Variants in AFG1L observed in about 807,000 individuals in gnomAD.
The protein encoded by AFG1L is AFG1-like ATPase.
A neutral mutation model predicts 62.2 loss-of-function variants in AFG1L; 53 were observed. The observed-to-expected ratio is 0.85, with a 90% CI of 0.68 to 1.07. The LOEUF (loss-of-function observed/expected upper bound fraction) is 1.07, where lower values mean the gene tolerates loss of function less well. Ranked by LOEUF, AFG1L falls within the 50% of genes least tolerant of loss-of-function variation. The pLI, the probability that AFG1L is intolerant of heterozygous loss-of-function variation, is 0.00. For missense variants in AFG1L, 555 were observed against 590.5 expected (o/e 0.94, Z 0.62); for synonymous variants, 228 against 210.3 (o/e 1.08, Z -0.73).
At chr6:108,478,814 A>C (rs1339012812) in intron 10 of AFG1L, among the ~76,000 whole-genome samples, 1 of 152,206 alleles carries the variant, frequency 6.6e-6, no homozygotes, top group Non-Finnish European at 1.5e-5. Context: ...ACATTTTAAA[A>C]ATATGCTCAT....
chr6:108,330,207 G>GTTTTTTTTT, intron 2 of AFG1L, among the ~76,000 whole-genome samples: 1 of 142,266 alleles, frequency 7.0e-6, no homozygotes, highest in Non-Finnish European at 1.5e-5. Flanking sequence ...TTGCGACTGA[G>GTTTTTTTTT]TCTCACTCTG....
At chr6:108,356,846 T>C (rs1365948548) in intron 5 of AFG1L, 26 bp downstream of exon 5, 2 of 1,577,484 alleles carry the variant, frequency 1.3e-6, no homozygotes, top group East Asian at 4.5e-5. Flanking sequence ...TTCATAGATA[T>C]AGAATGGTAT....
At chr6:108,496,664 T>A (rs376809654) in intron 10 of AFG1L, among the ~76,000 whole-genome samples, 7 of 152,312 alleles carry the variant, frequency 4.6e-5, no homozygotes, top group African/African-American at 7.2e-5. Context: ...TTCTACATCA[T>A]TATTTTGGTT....
chr6:108,488,736 C>G (rs558182067), intron 10 of AFG1L, among the ~76,000 whole-genome samples: 5 of 151,668 alleles, frequency 3.3e-5, no homozygotes, highest in African/African-American at 1.2e-4. Flanking sequence ...AGTGTGATGG[C>G]GCACATCTAT....
intron 2 of AFG1L, 59 bp from the exon 3 acceptor site, chr6:108,346,929 A>G (rs368674695): frequency 7.9e-7 from 1 of 1,269,346 alleles, no homozygotes; most frequent in Non-Finnish European, 1.2e-6. Flanking sequence ...AAGACTATGT[A>G]TATGATTATA....
intron 5 of AFG1L, among the ~76,000 whole-genome samples, chr6:108,358,594 G>A (rs367708044): frequency 1.3e-5 from 2 of 152,086 alleles, no homozygotes; most frequent in African/African-American, 2.4e-5. Context: ...ATGCAATGGC[G>A]TGATCTTGGC....
At chr6:108,487,464 G>C (rs1302978669) in intron 10 of AFG1L, among the ~76,000 whole-genome samples, 1 of 152,222 alleles carries the variant, frequency 6.6e-6, no homozygotes, top group African/African-American at 2.4e-5. Context: ...TTCCTCACTT[G>C]TGAAATGCAT....
chr6:108,405,005 C>T (rs878995768), intron 7 of AFG1L, among the ~76,000 whole-genome samples: 2 of 152,138 alleles, frequency 1.3e-5, no homozygotes, highest in South Asian at 2.1e-4. Flanking sequence ...GCTGGGAGTA[C>T]AGGTGTTAGC....
chr6:108,481,866 C>T (rs1321890789), intron 10 of AFG1L, among the ~76,000 whole-genome samples: 2 of 152,202 alleles, frequency 1.3e-5, no homozygotes, highest in African/African-American at 4.8e-5. Flanking sequence ...GCTTGACAGA[C>T]AAACTATGGT....
chr6:108,390,025 T>C (rs1289134706), intron 6 of AFG1L, among the ~76,000 whole-genome samples: 1 of 152,328 alleles, frequency 6.6e-6, no homozygotes, highest in East Asian at 1.9e-4. Context: ...CAATCAGACG[T>C]AGATTTGGTC....
At chr6:108,404,284 G>C (rs575970685) in intron 7 of AFG1L, among the ~76,000 whole-genome samples, 1 of 152,060 alleles carries the variant, frequency 6.6e-6, no homozygotes, top group Non-Finnish European at 1.5e-5. Context: ...ATAGAAATTT[G>C]TTGAGGAAAA....
intron 3 of AFG1L, among the ~76,000 whole-genome samples, chr6:108,354,206 T>C (rs1448822245): frequency 6.6e-6 from 1 of 152,174 alleles, no homozygotes; most frequent in Non-Finnish European, 1.5e-5. Context: ...CATTAAATGC[T>C]CAGGCTGTTG....
rs1779259907 is a variant in AFG1L at position 108,355,651 on chromosome 6, A to G, written c.416-3A>G. ...TATTCTTAAAATTTTTTTTATTTTT[A>G]AGGTACAGGAAAAACAATGGTGATG... On this transcript the variant is annotated splice_region_variant and splice_polypyrimidine_tract_variant and intron_variant, in intron 3 of 12. Coordinates refer to ENST00000368977, the MANE Select transcript of AFG1L (RefSeq NM_145315.5). The G allele has an allele frequency of 1.3e-6, 2 of 1,557,616 alleles. No individual in the cohort carries two copies.
At chr6:108,320,231 A>G (rs1054786938) in intron 1 of AFG1L, among the ~76,000 whole-genome samples, 9 of 152,328 alleles carry the variant, frequency 5.9e-5, no homozygotes, top group South Asian at 2.1e-4. Flanking sequence ...AGAGTCATAC[A>G]TCAGTACATG....
intron 7 of AFG1L, among the ~76,000 whole-genome samples, chr6:108,408,404 T>C (rs936298752): frequency 1.3e-5 from 2 of 152,252 alleles, no homozygotes; most frequent in African/African-American, 4.8e-5. Context: ...ATATGCAATT[T>C]GTTATTCAGC....
At chr6:108,454,341 A>G (rs1436577327) in intron 8 of AFG1L, among the ~76,000 whole-genome samples, 1 of 152,212 alleles carries the variant, frequency 6.6e-6, no homozygotes, top group Non-Finnish European at 1.5e-5. Flanking sequence ...AACAGAAGAT[A>G]ATAGAGCATA....
At chr6:108,325,481 G>A (rs1246333678) in intron 2 of AFG1L, among the ~76,000 whole-genome samples, 1 of 149,998 alleles carries the variant, frequency 6.7e-6, no homozygotes, top group Non-Finnish European at 1.5e-5. Context: ...GATGTGACTA[G>A]TGTGTATTTA....
chr6:108,330,001 G>C (rs546355677), intron 2 of AFG1L, among the ~76,000 whole-genome samples: 1 of 152,070 alleles, frequency 6.6e-6, no homozygotes, highest in African/African-American at 2.4e-5. Context: ...AGTGGGACCG[G>C]TGGCTTTATA....
intron 8 of AFG1L, among the ~76,000 whole-genome samples, chr6:108,448,133 T>C (rs988742332): frequency 6.6e-6 from 1 of 152,158 alleles, no homozygotes. Flanking sequence ...GCTAGAAAAA[T>C]CACATAATTA....
Sources: allele counts gnomAD v4.1 joint callset (sites outside exome capture counted in the v4.1 genomes callset), GRCh38; gene constraint gnomAD v4.1.1; transcripts MANE v1.5; gene names NCBI Gene and HGNC (gene_info 2026-07-23, HGNC 2026-07-21).